PTPN13: variants seen among roughly 807,000 people sequenced by gnomAD.
The protein encoded by PTPN13 is protein tyrosine phosphatase non-receptor type 13, also known as tyrosine-protein phosphatase non-receptor type 13.
A neutral mutation model predicts 284.0 loss-of-function variants in PTPN13; 191 were observed. The ratio of observed to expected loss-of-function variants is 0.67; its 90% CI spans 0.60 to 0.76. PTPN13 has a LOEUF of 0.76. Ranked by LOEUF, PTPN13 falls within the 30% of genes least tolerant of loss-of-function variation. PTPN13 has a pLI of 0.00. For missense variants in PTPN13, 2,797 were observed against 2,939.9 expected (o/e 0.95, Z 1.12); for synonymous variants, 986 against 1,022.3 (o/e 0.96, Z 0.68).
chr4:86,758,401 A>G, intron 21 of PTPN13, 52 bp downstream of exon 21: 2 of 1,419,288 alleles, frequency 1.4e-6, no homozygotes, highest in Non-Finnish European at 2.0e-6. Flanking sequence ...GATTCAGAGG[A>G]AAAGTCTATA....
chr4:86,700,222 A>G lies in PTPN13; in HGVS notation c.635-1019A>G, dbSNP rs915689004. Reference sequence around the variant, plus strand: ...ATGTCTTTAAATAAATTAACAAGCAATTTATTATTATTAAGGTTTTAGTCA... The same window carrying G: ...ATGTCTTTAAATAAATTAACAAGCAGTTTATTATTATTAAGGTTTTAGTCA... On this transcript the variant is annotated intron_variant, in intron 6 of 47. Transcript: ENST00000411767. Among the ~76,000 whole-genome samples the G allele has an allele frequency of 3.9e-5, 6 of 152,240 alleles. No individual in the cohort carries two copies. The East Asian group carries it at 1.2e-3, about 29-fold the overall frequency.
chr4:86,717,156 A>T, intron 9 of PTPN13, 39 bp downstream of exon 9: 2 of 1,351,764 alleles, frequency 1.5e-6, no homozygotes, highest in East Asian at 2.3e-5. Context: ...ATTTCCAGTG[A>T]CCAGTGTTTG....
chr4:86,744,530 G>A (rs1466458972), intron 16 of PTPN13, among the ~76,000 whole-genome samples: 1 of 152,192 alleles, frequency 6.6e-6, no homozygotes, highest in African/African-American at 2.4e-5. Context: ...TAATAATACA[G>A]TCATGTGCCA....
intron 40 of PTPN13, among the ~76,000 whole-genome samples, chr4:86,789,689 G>T (rs1045741264): frequency 9.9e-5 from 15 of 152,148 alleles, no homozygotes; most frequent in African/African-American, 2.9e-4. Flanking sequence ...AATATATTCA[G>T]TGAGGCAGTA....
At chr4:86,754,547 T>C (rs1008532252) in intron 20 of PTPN13, among the ~76,000 whole-genome samples, 2 of 151,972 alleles carry the variant, frequency 1.3e-5, no homozygotes, top group Non-Finnish European at 2.9e-5. Flanking sequence ...GTACAGAAGG[T>C]CACAAAGTTA....
chr4:86,778,455 C>G (rs185830825), intron 35 of PTPN13, among the ~76,000 whole-genome samples: 2 of 150,804 alleles, frequency 1.3e-5, no homozygotes, highest in East Asian at 3.9e-4. Flanking sequence ...CGCACCTCCC[C>G]CCGCCCACCC....
intron 43 of PTPN13, among the ~76,000 whole-genome samples, chr4:86,804,909 C>A (rs1343220647): frequency 6.6e-6 from 1 of 152,192 alleles, no homozygotes; most frequent in Non-Finnish European, 1.5e-5. Flanking sequence ...ATGGAATATT[C>A]TATAACCCTT....
chr4:86,621,883 A>G (rs908014605), intron 1 of PTPN13, among the ~76,000 whole-genome samples: 20 of 151,872 alleles, frequency 1.3e-4, no homozygotes, highest in Admixed American at 1.1e-3. Context: ...CTCTCTCCTC[A>G]TCCTCCCTCC....
At chr4:86,597,468 T>C (rs1430041840) in intron 1 of PTPN13, among the ~76,000 whole-genome samples, 1 of 152,188 alleles carries the variant, frequency 6.6e-6, no homozygotes, top group Non-Finnish European at 1.5e-5. Context: ...GGCTAAAAGA[T>C]AGCTTTTAAT....
At chr4:86,654,379 G>A (rs1469856366) in intron 2 of PTPN13, among the ~76,000 whole-genome samples, 1 of 152,118 alleles carries the variant, frequency 6.6e-6, no homozygotes, top group Non-Finnish European at 1.5e-5. Context: ...ACTACCATCA[G>A]AGAGTACTAT....
chr4:86,701,746 A>T lies in PTPN13; in HGVS notation c.1140A>T (p.Arg380=). The T allele has an allele frequency of 6.2e-7, 1 of 1,613,744 alleles. No individual in the cohort carries two copies. The highest frequency in any genetic ancestry group is 8.5e-7 in the Non-Finnish European group (1 of 1,179,774). Residue 380 remains arginine (R), a synonymous_variant, in exon 7 of 48, where the codon CGA becomes CGT. Coordinates refer to ENST00000411767, the MANE Select transcript of PTPN13 (RefSeq NM_080683.3). The part of the protein sequence containing the change: ...TSSAISSALD[R]IRERQKKLQV... ...CAGCAATATCAAGTGCTTTGGACCG[A>T]ATCCGAGAGAGACAAAAGAAACTTC...
intron 2 of PTPN13, among the ~76,000 whole-genome samples, chr4:86,667,496 A>AC (rs1248207685): frequency 1.3e-5 from 2 of 152,158 alleles, no homozygotes; most frequent in East Asian, 3.8e-4. Context: ...TTTCCAGTGA[A>AC]CCTTAAATAA....
chr4:86,765,434 G>A lies in PTPN13; in HGVS notation c.4189G>A (p.Val1397Met). ...GAGTGTCAGACATGGTGGCATTTAT[G>A]TGAAAGCTGTTATTCCCCAGGGAGC... ...NTSVRHGGIY[V>M]KAVIPQGAAE... The change falls in exon 26 of 48, where the codon GTG becomes ATG. Residue 1397 changes from valine to methionine, a missense_variant. Physicochemically the swap from Val to Met is conservative, Grantham distance 21 (BLOSUM62 1). Transcript: ENST00000411767. 2 of 1,603,190 alleles carry A rather than the reference G, an allele frequency of 1.2e-6. No homozygotes were observed. The highest frequency in any genetic ancestry group is 8.5e-7 in the Non-Finnish European group (1 of 1,174,284).
At chr4:86,738,929 C>A (rs976385775) in intron 15 of PTPN13, among the ~76,000 whole-genome samples, 1 of 152,226 alleles carries the variant, frequency 6.6e-6, no homozygotes, top group African/African-American at 2.4e-5. Flanking sequence ...AATCTGCCTG[C>A]CTTGGCCTCC....
chr4:86,745,012 G>C lies in PTPN13; in HGVS notation c.2534G>C (p.Gly845Ala), dbSNP rs1304585943. The C allele has an allele frequency of 6.3e-7, 1 of 1,599,908 alleles. No homozygotes were observed. The highest frequency in any genetic ancestry group is 8.5e-7 in the Non-Finnish European group (1 of 1,172,542). Residue 845 changes from glycine to alanine, a missense_variant, in exon 17 of 48, where the codon GGC becomes GCC. By Grantham distance (60) the Gly-to-Ala change is moderately conservative. Coordinates refer to ENST00000411767, the MANE Select transcript of PTPN13 (RefSeq NM_080683.3). Reference protein sequence around the residue: ...LQNTSDGIKHGFQTDNSKICQ... With the variant: ...LQNTSDGIKHAFQTDNSKICQ... ...AATACATCAGATGGAATAAAACATG[G>C]CTTCCAGACAGACAACAGTAAGATA...
At chr4:86,616,782 C>G (rs1162789182) in intron 1 of PTPN13, among the ~76,000 whole-genome samples, 1 of 152,108 alleles carries the variant, frequency 6.6e-6, no homozygotes, top group African/African-American at 2.4e-5. Flanking sequence ...TCTATAAAGC[C>G]TACAGAACCA....
At chr4:86,613,262 C>T (rs1415225683) in intron 1 of PTPN13, among the ~76,000 whole-genome samples, 1 of 152,202 alleles carries the variant, frequency 6.6e-6, no homozygotes, top group African/African-American at 2.4e-5. Flanking sequence ...TCCAGATTCC[C>T]ATAAGGAAAG....
At chr4:86,650,104 A>G (rs886507744) in intron 2 of PTPN13, among the ~76,000 whole-genome samples, 5 of 150,202 alleles carry the variant, frequency 3.3e-5, no homozygotes, top group Non-Finnish European at 5.9e-5. Context: ...TCCCTGCCTC[A>G]GCCTTCCAAG....
intron 1 of PTPN13, among the ~76,000 whole-genome samples, chr4:86,617,360 G>A (rs1339985424): frequency 6.6e-6 from 1 of 151,930 alleles, no homozygotes; most frequent in African/African-American, 2.4e-5. Flanking sequence ...ACTTTACGAT[G>A]GTGCAAAAAC....
Sources: gnomAD v4.1 joint callset for allele counts (sites outside exome capture counted in the v4.1 genomes callset) on GRCh38, gnomAD v4.1.1 for gene constraint, MANE v1.5 for transcripts, NCBI Gene and HGNC (gene_info 2026-07-23, HGNC 2026-07-21) for gene names.